The following MEF2C variants were observed in gnomAD, a reference collection of about 807,000 sequenced individuals.
MEF2C encodes the protein myocyte-specific enhancer factor 2C.
MEF2C carries 6 observed loss-of-function variants against 50.5 expected under a neutral mutation model. That is an observed-to-expected ratio of 0.12 (90% CI 0.07 to 0.23). The LOEUF (loss-of-function observed/expected upper bound fraction) is 0.23. Among genes scored for constraint, MEF2C ranks in the 10% least tolerant of loss-of-function variants. The pLI, the probability that MEF2C is intolerant of heterozygous loss-of-function variation, is 1.00. For synonymous variants in MEF2C, 183 were observed against 228.0 expected (o/e 0.80, Z 1.78); for missense variants, 276 against 605.0 (o/e 0.46, Z 5.70).
At chr5:88,749,406 C>A in intron 5 of MEF2C, 1 of 984,964 alleles carries the variant, frequency 1.0e-6, no homozygotes, top group East Asian at 1.1e-4. Context: ...CTAGGTTTTC[C>A]CTAAGCAGAT....
chr5:88,783,269 T>G lies in MEF2C; in HGVS notation c.258+21329A>C, dbSNP rs193167524. ...AGCATTTTATAAATGTTTATCCATTTAATTCTCATAACAGCTAAGCAGAAG... is the reference window on the plus strand; with the variant it reads ...AGCATTTTATAAATGTTTATCCATTGAATTCTCATAACAGCTAAGCAGAAG... On this transcript the variant is annotated intron_variant, in intron 3 of 10. Coordinates refer to ENST00000504921, the MANE Select transcript of MEF2C (RefSeq NM_002397.5). Among the ~76,000 whole-genome samples, 349 of 152,352 alleles carry G rather than the reference T, an allele frequency of 2.3e-3. 1 individual carries two copies. Among genetic ancestry groups the G allele is most frequent in the African/African-American group, 8.2e-3 (340 of 41,580 alleles).
Position 88,718,073 on chromosome 5 carries a change from C to T in MEF2C, c.*4531G>A, listed in dbSNP as rs902996088. On this transcript the variant is annotated 3_prime_UTR_variant, in exon 11 of 11. Transcript: ENST00000504921. ...TAAGAACCGTCATCCAATTCACACC[C>T]CTCCCACACAGACACACATATCCAT... 1 of 152,124 alleles carries T rather than the reference C, an allele frequency of 6.6e-6. No homozygotes were observed. Among genetic ancestry groups the T allele is most frequent in the Non-Finnish European group, 1.5e-5 (1 of 68,014 alleles). The allele number at this position is 152,124 out of a possible 1,614,324, so 9.4% of individuals were successfully genotyped here.
intron 1 of MEF2C, chr5:88,838,691 C>T (rs1371286391): frequency 1.0e-6 from 1 of 985,178 alleles, no homozygotes; most frequent in African/African-American, 1.7e-5. Flanking sequence ...TGGTATGACC[C>T]TGGCCATTAT....
chr5:88,867,670 AATT>A (rs1827857488), intron 1 of MEF2C, among the ~76,000 whole-genome samples: 1 of 152,186 alleles, frequency 6.6e-6, no homozygotes, highest in South Asian at 2.1e-4. Context: ...AAGTTATTAA[AATT>A]ATTAGAGATA....
At chr5:88,812,216 G>C (rs568139449) in intron 2 of MEF2C, among the ~76,000 whole-genome samples, 1 of 152,060 alleles carries the variant, frequency 6.6e-6, no homozygotes, top group Non-Finnish European at 1.5e-5. Context: ...TTTTTCTCGA[G>C]TACCTGGGCC....
At chr5:88,744,328 C>T (rs368014215) in intron 6 of MEF2C, among the ~76,000 whole-genome samples, 3 of 152,244 alleles carry the variant, frequency 2.0e-5, no homozygotes, top group Admixed American at 6.5e-5. Context: ...CCGAGGTGGG[C>T]GGATTGCCTG....
chr5:88,901,388 C>T (rs2150337296), intron 1 of MEF2C, among the ~76,000 whole-genome samples: 1 of 145,174 alleles, frequency 6.9e-6, no homozygotes, highest in South Asian at 2.3e-4. Context: ...ACAAGTAAAC[C>T]ATTTTAGCTG....
intron 4 of MEF2C, among the ~76,000 whole-genome samples, chr5:88,755,114 C>T (rs942185496): frequency 6.6e-6 from 1 of 152,104 alleles, no homozygotes; most frequent in South Asian, 2.1e-4. Flanking sequence ...TAAATAGTGC[C>T]CTTTTGCTGT....
intron 6 of MEF2C, chr5:88,736,561 C>T: frequency 4.3e-6 from 4 of 937,364 alleles, no homozygotes; most frequent in Non-Finnish European, 5.1e-6. Flanking sequence ...GGCCTCTGGT[C>T]TCTACTTGAG....
At chr5:88,883,527 G>A (rs987113516), upstream of MEF2C, 2 of 83,520 alleles carry the variant, frequency 2.4e-5, no homozygotes, top group African/African-American at 4.5e-5. Flanking sequence ...GGGATTGAAG[G>A]ATACTGGGAG....
rs1269955745 is a variant in MEF2C, at chr5:88,829,362, A to C, written c.-142-5432T>G. Among the ~76,000 whole-genome samples, 3 of 152,074 alleles carry C rather than the reference A, an allele frequency of 2.0e-5. No homozygotes were observed. The East Asian group carries it at 5.8e-4, about 30-fold the overall frequency. On this transcript the variant is annotated intron_variant, in intron 1 of 10. Transcript: ENST00000504921. ...TGACATCGAATTTCCCTCTCATAAG[A>C]TCTAAGCACTGAGTCCTTCTCCTTT...
chr5:88,739,081 G>T, intron 6 of MEF2C: 1 of 985,152 alleles, frequency 1.0e-6, no homozygotes, highest in Non-Finnish European at 1.2e-6. Context: ...CAATTTAAGA[G>T]ACCAGCTTCT....
chr5:88,808,122 A>G (rs1264254593), intron 2 of MEF2C, among the ~76,000 whole-genome samples: 1 of 152,212 alleles, frequency 6.6e-6, no homozygotes, highest in Non-Finnish European at 1.5e-5. Flanking sequence ...TTTGGAATGA[A>G]TAAAGAAACA....
At chr5:88,745,262 G>A (rs946094231) in intron 6 of MEF2C, among the ~76,000 whole-genome samples, 4 of 152,228 alleles carry the variant, frequency 2.6e-5, no homozygotes, top group African/African-American at 9.6e-5. Context: ...AGAGAGATGT[G>A]CCCAGATGTT....
intron 3 of MEF2C, among the ~76,000 whole-genome samples, chr5:88,791,953 T>C (rs1369690923): frequency 6.6e-6 from 1 of 152,048 alleles, no homozygotes; most frequent in Non-Finnish European, 1.5e-5. Context: ...TTCAATACCA[T>C]GTATTGAAAA....
chr5:88,880,441 TTC>T (rs1456186385), intron 1 of MEF2C, among the ~76,000 whole-genome samples: 19 of 152,254 alleles, frequency 1.2e-4, no homozygotes, highest in Admixed American at 6.5e-4. Context: ...TTTTGTCACT[TTC>T]TGAGATTTCA....
intron 3 of MEF2C, among the ~76,000 whole-genome samples, chr5:88,770,501 C>G (rs1364346301): frequency 6.6e-6 from 1 of 152,214 alleles, no homozygotes; most frequent in Non-Finnish European, 1.5e-5. Context: ...TGAGTCACCA[C>G]ATTTCCTCAT....
intron 1 of MEF2C, chr5:88,824,199 A>T (rs2153223318): frequency 2.1e-6 from 2 of 964,026 alleles, no homozygotes; most frequent in South Asian, 9.6e-5. Context: ...TAACACTTGA[A>T]ATGTATTTTT....
At chr5:88,773,658 C>T (rs1178219321) in intron 3 of MEF2C, among the ~76,000 whole-genome samples, 2 of 152,108 alleles carry the variant, frequency 1.3e-5, no homozygotes, top group African/African-American at 4.8e-5. Flanking sequence ...AGGTGTCCTA[C>T]AGGGGACTAA....
Sources: allele counts gnomAD v4.1 joint callset (sites outside exome capture counted in the v4.1 genomes callset), GRCh38; gene constraint gnomAD v4.1.1; transcripts MANE v1.5; gene names NCBI Gene and HGNC (gene_info 2026-07-23, HGNC 2026-07-21).